ADAD1: variants seen among roughly 807,000 people sequenced by gnomAD.
The protein encoded by ADAD1 is adenosine deaminase domain containing 1.
Under a neutral mutation model 66.8 loss-of-function variants are expected in ADAD1, and 46 were observed. The observed-to-expected ratio is 0.69, with a 90% CI of 0.54 to 0.88. The LOEUF (loss-of-function observed/expected upper bound fraction) is 0.88. ADAD1 is among the 40% of genes least tolerant of loss of function. The pLI is 0.00. For missense variants in ADAD1, 617 were observed against 681.8 expected (o/e 0.91, Z 1.06); for synonymous variants, 248 against 229.4 (o/e 1.08, Z -0.73).
chr4:122,414,006 A>G (rs2150584924), intron 10 of ADAD1, among the ~76,000 whole-genome samples: 1 of 150,218 alleles, frequency 6.7e-6, no homozygotes, highest in Admixed American at 6.6e-5. Flanking sequence ...TATATGGTAT[A>G]ATTTTAGATA....
In ADAD1 at chr4:122,421,374, C is replaced by T. The variant is rs1796995077; in HGVS notation, c.1601C>T (p.Thr534Ile). The T allele has an allele frequency of 6.3e-7, 1 of 1,595,346 alleles. No individual in the cohort carries two copies. The highest frequency in any genetic ancestry group is 1.7e-5 in the Admixed American group (1 of 59,604). ...AAAAAAGAATTACTTGAAGCTGGTA[C>T]ATATCATGCAGCTAAGGTAAGTCCT... is the stretch of plus-strand genomic sequence containing the variant. ...EAKKELLEAG[T>I]YHAAKCMSAS... Residue 534 changes from threonine (T) to isoleucine (I), a missense_variant, in exon 12 of 13, where the codon ACA (threonine) becomes ATA (isoleucine). Coordinates refer to ENST00000296513, the MANE Select transcript of ADAD1 (RefSeq NM_139243.4).
intron 7 of ADAD1, among the ~76,000 whole-genome samples, chr4:122,401,454 A>G (rs1211088795): frequency 1.3e-5 from 2 of 152,252 alleles, no homozygotes; most frequent in African/African-American, 4.8e-5. Flanking sequence ...GTGCTAATAA[A>G]TAGAATGTAT....
At chr4:122,421,181 C>A in intron 11 of ADAD1, 80 bp from the exon 12 acceptor site, 1 of 1,092,610 alleles carries the variant, frequency 9.2e-7, no homozygotes, top group Non-Finnish European at 1.2e-6. Context: ...TTTGTAGATC[C>A]ATATTGATTT....
In ADAD1 at chr4:122,411,210, CATTT is replaced by C. The variant is rs1375532959; in HGVS notation, c.849-7_849-4del. On this transcript the variant is annotated splice_polypyrimidine_tract_variant and splice_region_variant and intron_variant, in intron 8 of 12. Coordinates refer to ENST00000296513, the MANE Select transcript of ADAD1 (RefSeq NM_139243.4). ...AGTTTATTACTTGACAAAATTATAACATTTATTTTAGGTACTTTTATAGACAACT... is the reference window on the plus strand; with the variant it reads ...AGTTTATTACTTGACAAAATTATAACATTTTAGGTACTTTTATAGACAACT... 3.2e-6 allele frequency: 5 copies of C among 1,569,172 alleles called. No individual in the cohort carries two copies. Among genetic ancestry groups the C allele is most frequent in the Non-Finnish European group, 4.3e-6 (5 of 1,158,828 alleles).
chr4:122,392,359 A>G (rs928348066), intron 5 of ADAD1, among the ~76,000 whole-genome samples: 4 of 152,212 alleles, frequency 2.6e-5, no homozygotes, highest in Non-Finnish European at 5.9e-5. Context: ...ACTGTGGACT[A>G]CTATGCAGCC....
At chr4:122,408,143 A>G (rs1196872390) in intron 8 of ADAD1, 112 bp downstream of exon 8, 2 of 1,157,826 alleles carry the variant, frequency 1.7e-6, no homozygotes, top group African/African-American at 1.6e-5. Context: ...AGAGCCAAGG[A>G]TGTCACATTT....
rs766491999 is a variant in ADAD1 at position 122,381,153 on chromosome 4, C to T, written c.334C>T (p.Leu112Phe). The change falls in exon 4 of 13, where the codon CTT becomes TTT. Residue 112 changes from leucine to phenylalanine, a missense_variant. Leu to Phe is a conservative substitution (Grantham distance 22, BLOSUM62 0). Coordinates refer to ENST00000296513, the MANE Select transcript of ADAD1 (RefSeq NM_139243.4). ...HQFAQMQRVQLDLKETVTTGN... is the reference protein window; with the variant it reads ...HQFAQMQRVQFDLKETVTTGN... ...GTTTGCACAAATGCAGCGAGTTCAG[C>T]TTGACCTTAAGGAAACTGTGACAAC... 1 of 1,574,922 alleles carries T rather than the reference C, an allele frequency of 6.3e-7. No homozygotes were observed. The highest frequency in any genetic ancestry group is 8.5e-7 in the Non-Finnish European group (1 of 1,170,216).
chr4:122,407,689 C>T (rs902797738), intron 7 of ADAD1, among the ~76,000 whole-genome samples: 2 of 152,270 alleles, frequency 1.3e-5, no homozygotes, highest in African/African-American at 4.8e-5. Context: ...TATTATAAAA[C>T]ATCTGCCTTT....
At chr4:122,401,867 C>T (rs887943160) in intron 7 of ADAD1, among the ~76,000 whole-genome samples, 6 of 151,890 alleles carry the variant, frequency 4.0e-5, no homozygotes, top group African/African-American at 1.4e-4. Context: ...CACCTCTTTA[C>T]CTTATGTGAG....
intron 10 of ADAD1, among the ~76,000 whole-genome samples, chr4:122,413,881 T>C (rs984277192): frequency 4.1e-5 from 6 of 145,282 alleles, no homozygotes; most frequent in Admixed American, 6.9e-5. Context: ...TATATATGAA[T>C]TATTGTCAGG....
chr4:122,408,022 C>A lies in ADAD1; in HGVS notation c.839C>A (p.Ser280Tyr). 1 of 1,612,552 alleles carries A rather than the reference C, an allele frequency of 6.2e-7. No homozygotes were observed. Among genetic ancestry groups the A allele is most frequent in the South Asian group, 1.1e-5 (1 of 90,872 alleles). ...CATGCTGTTGTTACAGCAAGAAGGT[C>A]TCTTCTTAGGTAAGACAATACATAT... is the stretch of plus-strand genomic sequence containing the variant. The part of the protein sequence containing the change: ...DTHAVVTARR[S>Y]LLRYFYRQLL... The change falls in exon 8 of 13, where the codon TCT (serine) becomes TAT (tyrosine). Residue 280 changes from serine (S) to tyrosine (Y), a missense_variant. Physicochemically the swap from Ser to Tyr is moderately radical, Grantham distance 144. Transcript: ENST00000296513.
intron 11 of ADAD1, among the ~76,000 whole-genome samples, chr4:122,417,483 T>A (rs1169466994): frequency 3.9e-5 from 6 of 152,116 alleles, no homozygotes; most frequent in African/African-American, 1.4e-4. Flanking sequence ...TTAAGAATGT[T>A]TATGCAGAAC....
At chr4:122,408,869 G>A (rs769358155) in intron 8 of ADAD1, among the ~76,000 whole-genome samples, 3 of 146,378 alleles carry the variant, frequency 2.0e-5, no homozygotes, top group Non-Finnish European at 4.5e-5. Flanking sequence ...GGCAATAGAC[G>A]TACATCTTGT....
At chr4:122,410,819 A>G (rs552781381) in intron 8 of ADAD1, among the ~76,000 whole-genome samples, 1 of 152,234 alleles carries the variant, frequency 6.6e-6, no homozygotes, top group African/African-American at 2.4e-5. Context: ...TTTTTGTAGT[A>G]GTTTGTTTGG....
intron 12 of ADAD1, among the ~76,000 whole-genome samples, chr4:122,424,467 A>G (rs987487858): frequency 6.6e-6 from 1 of 152,174 alleles, no homozygotes; most frequent in Non-Finnish European, 1.5e-5. Flanking sequence ...AAATCGCTCT[A>G]TATTGAAATA....
At chr4:122,387,115 T>C (rs2150535415) in intron 5 of ADAD1, among the ~76,000 whole-genome samples, 1 of 83,196 alleles carries the variant, frequency 1.2e-5, no homozygotes, top group East Asian at 3.8e-4. Flanking sequence ...ATCTATAAAT[T>C]AGTTTGGGCA....
At chr4:122,389,481 TG>T (rs1161791350) in intron 5 of ADAD1, among the ~76,000 whole-genome samples, 1 of 152,222 alleles carries the variant, frequency 6.6e-6, no homozygotes, top group Non-Finnish European at 1.5e-5. Flanking sequence ...TATTATTGTG[TG>T]GGACTTTAAG....
chr4:122,394,225 CATAG>C (rs1451364704), intron 6 of ADAD1, among the ~76,000 whole-genome samples: 1 of 152,058 alleles, frequency 6.6e-6, no homozygotes, highest in Non-Finnish European at 1.5e-5. Context: ...CCTAACACAC[CATAG>C]ATACTCACTA....
chr4:122,401,401 G>C (rs1157827404), intron 7 of ADAD1, among the ~76,000 whole-genome samples: 1 of 152,082 alleles, frequency 6.6e-6, no homozygotes, highest in Non-Finnish European at 1.5e-5. Flanking sequence ...ACTGAGACTT[G>C]TTTTGTGACC....
Sources: gnomAD v4.1 joint callset for allele counts (sites outside exome capture counted in the v4.1 genomes callset) on GRCh38, gnomAD v4.1.1 for gene constraint, MANE v1.5 for transcripts, NCBI Gene and HGNC (gene_info 2026-07-23, HGNC 2026-07-21) for gene names.